The following PPTC7 variants were observed in gnomAD, a reference collection of about 807,000 sequenced individuals.
The protein encoded by PPTC7 is protein phosphatase PTC7 homolog.
A neutral mutation model predicts 30.8 loss-of-function variants in PPTC7; 6 were observed. The ratio of observed to expected loss-of-function variants is 0.19; its 90% confidence interval spans 0.11 to 0.38. PPTC7 has a LOEUF of 0.38. PPTC7 is among the 10% of genes least tolerant of loss of function. PPTC7 has a pLI of 1.00. For synonymous variants in PPTC7, 163 were observed against 168.1 expected, an observed-to-expected ratio of 0.97 and a Z score of 0.23; for missense variants, 218 against 404.8, an observed-to-expected ratio of 0.54 and a Z score of 3.96.
chr12:110,583,132 G>T lies in PPTC7; in HGVS notation c.-101C>A. The stretch of plus-strand genomic sequence containing the variant: ...CTCAGCCGCAGTCGCGCCGCCGCTG[G>T]GGCGCTCCTCAGGGCGGCGCGCAGT... On this transcript the variant is annotated 5_prime_UTR_variant, in exon 1 of 6. Coordinates refer to ENST00000354300, the MANE Select transcript of PPTC7 (RefSeq NM_139283.2). The T allele has an allele frequency of 2.1e-6, 2 of 968,236 alleles. No homozygotes were observed. Among genetic ancestry groups the T allele is most frequent in the Non-Finnish European group, 2.7e-6 (2 of 746,278 alleles). The allele number at this position is 968,236 out of a possible 1,614,324, so 60.0% of individuals were successfully genotyped here.
intron 1 of PPTC7, among the ~76,000 whole-genome samples, chr12:110,577,445 T>C (rs935867802): frequency 6.6e-6 from 1 of 152,122 alleles, no homozygotes; most frequent in African/African-American, 2.4e-5. Context: ...AGGTGACTAC[T>C]TTTTTAAAAG....
At chr12:110,577,293 T>C (rs575285349) in intron 1 of PPTC7, among the ~76,000 whole-genome samples, 1 of 146,778 alleles carries the variant, frequency 6.8e-6, no homozygotes, top group South Asian at 2.1e-4. Flanking sequence ...TTAAAAAAAG[T>C]AAAATTAAAA....
At chr12:110,558,838 C>T (rs1449713315) in intron 1 of PPTC7, among the ~76,000 whole-genome samples, 18 of 152,302 alleles carry the variant, frequency 1.2e-4, no homozygotes, top group Non-Finnish European at 1.6e-4. Flanking sequence ...AAACTCTTGA[C>T]TTCATGATCC....
intron 3 of PPTC7, among the ~76,000 whole-genome samples, chr12:110,542,478 C>G (rs1593144260): frequency 6.6e-6 from 1 of 151,790 alleles, no homozygotes; most frequent in African/African-American, 2.4e-5. Flanking sequence ...TCAAGACCAG[C>G]CTGCCCAACA....
At chr12:110,582,378 C>G (rs907130918) in intron 1 of PPTC7, among the ~76,000 whole-genome samples, 25 of 152,314 alleles carry the variant, frequency 1.6e-4, no homozygotes, top group African/African-American at 5.8e-4. Context: ...GCAGCCTGGG[C>G]CGGGCTGTGG....
At chr12:110,567,021 G>A (rs898009603) in intron 1 of PPTC7, among the ~76,000 whole-genome samples, 4 of 152,126 alleles carry the variant, frequency 2.6e-5, no homozygotes, top group African/African-American at 9.7e-5. Flanking sequence ...CATTTTACAT[G>A]GGAAATCCTA....
chr12:110,539,777 C>A, intron 4 of PPTC7, 45 bp downstream of exon 4: 1 of 1,598,300 alleles, frequency 6.3e-7, no homozygotes, highest in South Asian at 1.1e-5. Flanking sequence ...CTCAGCTATC[C>A]AGAGAGGGCC....
At chr12:110,560,540 C>G (rs902327853) in intron 1 of PPTC7, among the ~76,000 whole-genome samples, 1 of 152,160 alleles carries the variant, frequency 6.6e-6, no homozygotes, top group African/African-American at 2.4e-5. Context: ...TAGTCAAAAT[C>G]AGCAAGAGCG....
At chr12:110,577,860 G>C (rs912478257) in intron 1 of PPTC7, among the ~76,000 whole-genome samples, 2 of 152,120 alleles carry the variant, frequency 1.3e-5, no homozygotes, top group Non-Finnish European at 2.9e-5. Context: ...ATGCAGAGGA[G>C]TTTTTGTTGC....
Position 110,536,196 on chromosome 12 carries a change from A to C in PPTC7, c.*841T>G, listed in dbSNP as rs2135756351. On this transcript the variant is annotated 3_prime_UTR_variant, in exon 6 of 6. Transcript: ENST00000354300. The stretch of plus-strand genomic sequence containing the variant: ...TTCAGGGGCATTCTATCAGACAACT[A>C]GGAGGAATTTCAGCCATAACAATTA... The C allele has an allele frequency of 6.6e-6, 1 of 152,350 alleles. No homozygotes were observed. Among genetic ancestry groups the C allele is most frequent in the African/African-American group, 2.4e-5 (1 of 41,576 alleles). The allele number at this position is 152,350 out of a possible 1,614,324, so 9.4% of individuals were successfully genotyped here.
At chr12:110,565,230 ACT>A (rs1157017003) in intron 1 of PPTC7, among the ~76,000 whole-genome samples, 1 of 151,728 alleles carries the variant, frequency 6.6e-6, no homozygotes, top group Non-Finnish European at 1.5e-5. Context: ...GACAATGAGT[ACT>A]TTTTTTTTCT....
At chr12:110,549,988 A>C (rs1175639803) in intron 2 of PPTC7, among the ~76,000 whole-genome samples, 1 of 152,180 alleles carries the variant, frequency 6.6e-6, no homozygotes, top group Non-Finnish European at 1.5e-5. Flanking sequence ...AGAATGTTTC[A>C]CTATGCCAGA....
At chr12:110,559,552 C>T (rs554427252) in intron 1 of PPTC7, among the ~76,000 whole-genome samples, 65 of 151,544 alleles carry the variant, frequency 4.3e-4, no homozygotes, top group African/African-American at 1.5e-3. Flanking sequence ...ATGGTGAAAC[C>T]CCGTCTCTAC....
At chr12:110,555,090 T>C (rs2064375809) in intron 1 of PPTC7, among the ~76,000 whole-genome samples, 1 of 152,202 alleles carries the variant, frequency 6.6e-6, no homozygotes. Context: ...AGTGCCTATA[T>C]ATACATCCCT....
In PPTC7 at chr12:110,583,207, G is replaced by A. The variant is rs933044787; in HGVS notation, c.-176C>T. 3.6e-5 allele frequency: 8 copies of A among 223,158 alleles called. No individual in the cohort carries two copies. The highest frequency in any genetic ancestry group is 1.6e-4 in the African/African-American group (7 of 42,498). 13.8% of individuals were successfully genotyped at this position (223,158 alleles called of 1,614,324 possible). A position where few individuals can be genotyped will look rare whatever the true frequency, so the allele number is the denominator to read the frequency against. On this transcript the variant is annotated 5_prime_UTR_variant, in exon 1 of 6. Coordinates refer to ENST00000354300, the MANE Select transcript of PPTC7 (RefSeq NM_139283.2). ...CGCGGGGCCTCGCACGCGCTCAGCC[G>A]CGCGCACCGGAGCCAGAGCGAGGTC... is the stretch of plus-strand genomic sequence containing the variant.
rs1366228658 is a variant in PPTC7, at chr12:110,582,796, G to A, written c.223+13C>T. ...TCCGAGGCTGGGGCAAGGGAACCGG[G>A]TCGGGGACTCACCGAGCACGTCCGC... On this transcript the variant is annotated intron_variant, in intron 1 of 5. Transcript: ENST00000354300. The A allele has an allele frequency of 1.5e-5, 24 of 1,549,478 alleles. No homozygotes were observed. The highest frequency in any genetic ancestry group is 1.8e-5 in the Non-Finnish European group (21 of 1,147,168).
chr12:110,572,422 CAG>C (rs1249563031), intron 1 of PPTC7, among the ~76,000 whole-genome samples: 3 of 152,130 alleles, frequency 2.0e-5, no homozygotes, highest in Admixed American at 6.5e-5. Context: ...GCCTGGGTGA[CAG>C]AGTGAGACTC....
chr12:110,541,506 G>A (rs1004112691), intron 3 of PPTC7, among the ~76,000 whole-genome samples: 4 of 150,312 alleles, frequency 2.7e-5, no homozygotes, highest in African/African-American at 9.8e-5. Flanking sequence ...TCAGGAGTTT[G>A]AGACCAGCCT....
intron 1 of PPTC7, among the ~76,000 whole-genome samples, chr12:110,553,123 C>T (rs541821358): frequency 2.7e-5 from 4 of 146,040 alleles, no homozygotes; most frequent in South Asian, 4.9e-4. Context: ...GTGGAGGTTG[C>T]GGTGAGCCGA....
Sources: allele counts gnomAD v4.1 joint callset (sites outside exome capture counted in the v4.1 genomes callset), GRCh38; gene constraint gnomAD v4.1.1; transcripts MANE v1.5; gene names NCBI Gene and HGNC (gene_info 2026-07-23, HGNC 2026-07-21).